ADGRG6: variants seen among roughly 807,000 people sequenced by gnomAD.
The protein encoded by ADGRG6 is adhesion G protein-coupled receptor G6, also known as G-protein coupled receptor 126.
A neutral mutation model predicts 142.4 loss-of-function variants in ADGRG6; 84 were observed. The observed-to-expected ratio is 0.59, with a 90% confidence interval of 0.49 to 0.71. The LOEUF (loss-of-function observed/expected upper bound fraction) is 0.71, where lower values mean the gene tolerates loss of function less well. Among genes scored for constraint, ADGRG6 ranks in the 30% least tolerant of loss-of-function variants. The pLI, the probability that ADGRG6 is intolerant of heterozygous loss-of-function variation, is 0.00. For synonymous variants in ADGRG6, 521 were observed against 520.5 expected, an observed-to-expected ratio of 1.00 and a Z score of -0.01; for missense variants, 1,367 against 1,466.6, an observed-to-expected ratio of 0.93 and a Z score of 1.11.
intron 2 of ADGRG6, among the ~76,000 whole-genome samples, chr6:142,318,231 ATTATATATATTTATATATTATATATATT>A: frequency 3.1e-5 from 2 of 64,230 alleles, no homozygotes; most frequent in African/African-American, 1.3e-4. Context: ...ATATATTTAT[ATTATATATATTTATATATTATATATATT>A]TATTATATAT....
chr6:142,341,516 A>G, intron 2 of ADGRG6, among the ~76,000 whole-genome samples: 1 of 118,188 alleles, frequency 8.5e-6, no homozygotes, highest in East Asian at 2.1e-4. Context: ...TATATACTAC[A>G]TAATATTATA....
At chr6:142,436,668 G>A (rs753470392) in intron 22 of ADGRG6, among the ~76,000 whole-genome samples, 40 of 152,114 alleles carry the variant, frequency 2.6e-4, no homozygotes, top group Non-Finnish European at 5.3e-4. Context: ...TAAGTTAATG[G>A]ACATAACCAA....
intron 4 of ADGRG6, among the ~76,000 whole-genome samples, chr6:142,381,188 A>C (rs1781753483): frequency 1.3e-5 from 2 of 152,246 alleles, no homozygotes; most frequent in African/African-American, 4.8e-5. Context: ...ATTTATTAGA[A>C]TAAAACCACT....
chr6:142,367,301 G>C (rs1280406190), intron 2 of ADGRG6, among the ~76,000 whole-genome samples: 1 of 152,108 alleles, frequency 6.6e-6, no homozygotes, highest in Non-Finnish European at 1.5e-5. Context: ...ACTGGAGAGA[G>C]TTTGTATAAC....
At position 142,367,545 on chromosome 6, in the gene ADGRG6, GTCTC is replaced by G. The variant is rs780389547; in HGVS notation, c.104-20_104-17del. 5.6e-6 allele frequency: 9 copies of G among 1,593,882 alleles called. No homozygotes were observed. In the South Asian group the frequency reaches 1.0e-4, roughly 18 times the overall value. ...GCATCTGAACCCAGCCCTTCTCTCT[GTCTC>G]TCTTTTGTCTGGCCAGCAGTGTGGG... On this transcript the variant is annotated intron_variant, in intron 2 of 24. Transcript: ENST00000367609.
In ADGRG6 at chr6:142,339,910, G is replaced by T. The variant is rs141650468; in HGVS notation, c.104-27659G>T. The stretch of plus-strand genomic sequence containing the variant: ...CATAATAGGATAAGTATTTTTTTCT[G>T]TGTTCCATTATCATACATGTGTATT... On this transcript the variant is annotated intron_variant, in intron 2 of 24. Transcript: ENST00000367609. Among the ~76,000 whole-genome samples, 205 of 151,850 alleles carry T rather than the reference G, an allele frequency of 1.4e-3. 2 individuals carry two copies. Among genetic ancestry groups the T allele is most frequent in the African/African-American group, 4.7e-3 (193 of 41,414 alleles).
Position 142,438,218 on chromosome 6 carries a change from G to T in ADGRG6, c.3428G>T (p.Ser1143Ile). 1.3e-6 allele frequency: 2 copies of T among 1,586,766 alleles called. No homozygotes were observed. Among genetic ancestry groups the T allele is most frequent in the East Asian group, 2.3e-5 (1 of 43,820 alleles). Residue 1143 changes from serine to isoleucine, a missense_variant, in exon 24 of 25, where the codon AGT becomes ATT. Transcript: ENST00000367609. ...ATGTCATTTTTTTTTTCAGATTGGAGTAAGACAGCTACCAATATCATCAAG... is the reference window on the plus strand; with the variant it reads ...ATGTCATTTTTTTTTTCAGATTGGATTAAGACAGCTACCAATATCATCAAG... ...RFRLADNSDWSKTATNIIKKS... is the reference protein window; with the variant it reads ...RFRLADNSDWIKTATNIIKKS...
intron 15 of ADGRG6, among the ~76,000 whole-genome samples, chr6:142,406,852 T>C (rs1775829721): frequency 1.3e-5 from 2 of 152,108 alleles, no homozygotes; most frequent in Admixed American, 6.6e-5. Context: ...TTAAAACCAA[T>C]ATAAAAATGC....
chr6:142,420,337 C>T (rs1776601483), intron 22 of ADGRG6, among the ~76,000 whole-genome samples: 2 of 152,026 alleles, frequency 1.3e-5, no homozygotes, highest in African/African-American at 4.8e-5. Context: ...GAACACTGTA[C>T]CTGGCAGATA....
At chr6:142,434,432 C>A (rs1286153537) in intron 22 of ADGRG6, among the ~76,000 whole-genome samples, 1 of 152,010 alleles carries the variant, frequency 6.6e-6, no homozygotes, top group Non-Finnish European at 1.5e-5. Flanking sequence ...TCAAGCAATT[C>A]TCCTGCTGCA....
chr6:142,371,128 A>G (rs1206770178), intron 4 of ADGRG6, among the ~76,000 whole-genome samples: 2 of 152,058 alleles, frequency 1.3e-5, no homozygotes, highest in East Asian at 3.9e-4. Flanking sequence ...AAATGTTAAC[A>G]CTAGGCTTGA....
At chr6:142,411,554 A>C in intron 18 of ADGRG6, 143 bp downstream of exon 18, 1 of 562,520 alleles carries the variant, frequency 1.8e-6, no homozygotes, top group Admixed American at 2.9e-5. Flanking sequence ...AATTCTTAAT[A>C]AAGAATCTAA....
chr6:142,356,017 T>C (rs1344981809), intron 2 of ADGRG6, among the ~76,000 whole-genome samples: 2 of 152,212 alleles, frequency 1.3e-5, no homozygotes, highest in African/African-American at 2.4e-5. Context: ...CTCTTGTACA[T>C]AACCTGCCAG....
At chr6:142,317,276 T>G (rs1050074559) in intron 2 of ADGRG6, among the ~76,000 whole-genome samples, 1 of 152,094 alleles carries the variant, frequency 6.6e-6, no homozygotes, top group African/African-American at 2.4e-5. Context: ...AAAGTTCTCT[T>G]TGAATTTTAA....
intron 2 of ADGRG6, among the ~76,000 whole-genome samples, chr6:142,335,335 T>G (rs1779259999): frequency 6.6e-6 from 1 of 151,608 alleles, no homozygotes; most frequent in South Asian, 2.1e-4. Context: ...GGGGAAGGAG[T>G]TTTTAAAAAG....
chr6:142,408,773 T>C (rs917394789), intron 16 of ADGRG6, among the ~76,000 whole-genome samples: 5 of 152,118 alleles, frequency 3.3e-5, no homozygotes, highest in Non-Finnish European at 7.4e-5. Flanking sequence ...TAAAATTAGA[T>C]GGAAGTTCTC....
intron 2 of ADGRG6, among the ~76,000 whole-genome samples, chr6:142,359,561 T>G (rs1332692494): frequency 6.6e-6 from 1 of 152,236 alleles, no homozygotes; most frequent in African/African-American, 2.4e-5. Flanking sequence ...CTTGATTTGG[T>G]TAGAAATGGT....
chr6:142,393,776 A>G, intron 8 of ADGRG6, 120 bp from the exon 9 acceptor site: 1 of 663,260 alleles, frequency 1.5e-6, no homozygotes, highest in Non-Finnish European at 2.7e-6. Context: ...CTCAGGACAC[A>G]CATTTGAAAA....
At chr6:142,373,881 CTTTT>C (rs769498618) in intron 4 of ADGRG6, among the ~76,000 whole-genome samples, 8 of 93,848 alleles carry the variant, frequency 8.5e-5, no homozygotes, top group Non-Finnish European at 1.3e-4. Flanking sequence ...TTTTTCTTTT[CTTTT>C]TTTTTTTTTT....
Sources: allele counts gnomAD v4.1 joint callset (sites outside exome capture counted in the v4.1 genomes callset), GRCh38; gene constraint gnomAD v4.1.1; transcripts MANE v1.5; gene names NCBI Gene and HGNC (gene_info 2026-07-23, HGNC 2026-07-21).